AFMID: variants seen among roughly 807,000 people sequenced by gnomAD.
AFMID encodes arylformamidase, also known as kynurenine formamidase.
In AFMID, 39 loss-of-function variants were observed where a neutral mutation model predicts 47.5. The observed-to-expected ratio is 0.82, with a 90% CI of 0.64 to 1.07. AFMID has a LOEUF of 1.07. Ranked by LOEUF, AFMID falls within the 50% of genes least tolerant of loss-of-function variation. The probability of loss-of-function intolerance (pLI) is 0.00; values close to 1 mark genes in which losing one functional copy is unlikely to be tolerated. For missense variants in AFMID, 375 were observed against 387.5 expected (o/e 0.97, Z 0.27); for synonymous variants, 130 against 153.2 (o/e 0.85, Z 1.12).
chr17:78,187,557 G>T, intron 1 of AFMID, 124 bp downstream of exon 1: 1 of 981,620 alleles, frequency 1.0e-6, no homozygotes, highest in Non-Finnish European at 1.6e-6. Context: ...AGAGCGCCTA[G>T]TGCGTGCCAG....
chr17:78,189,764 C>T (rs1247683487), intron 1 of AFMID, among the ~76,000 whole-genome samples: 1 of 151,812 alleles, frequency 6.6e-6, no homozygotes, highest in Non-Finnish European at 1.5e-5. Context: ...AAGTGATCTG[C>T]CTATCTTGGC....
At chr17:78,193,844 C>T (rs373149032) in intron 2 of AFMID, among the ~76,000 whole-genome samples, 11 of 151,818 alleles carry the variant, frequency 7.2e-5, no homozygotes, top group South Asian at 6.3e-4. Flanking sequence ...GGGCGTGGTG[C>T]GGGCACCTGT....
In AFMID at chr17:78,197,626, C is replaced by T. The variant is rs1482155777; in HGVS notation, c.155-4873C>T. On this transcript the variant is annotated intron_variant, in intron 2 of 10. Coordinates refer to ENST00000409257, the MANE Select transcript of AFMID (RefSeq NM_001010982.5). ...GACAGGAGCCCAGGATGGATGTGAG[C>T]GTGTTATAACCAGCTCACGCTTGTG... 6.5e-5 allele frequency: 12 copies of T among 185,102 alleles called. No homozygotes were observed. The South Asian group carries it at 8.9e-4, about 14-fold the overall frequency. 11.5% of individuals were successfully genotyped at this position (185,102 alleles called of 1,614,324 possible).
At chr17:78,199,491 C>T (rs987799850) in intron 2 of AFMID, among the ~76,000 whole-genome samples, 1 of 152,048 alleles carries the variant, frequency 6.6e-6, no homozygotes, top group Non-Finnish European at 1.5e-5. Context: ...TCTCCTTCCT[C>T]AGCCTCCTGA....
rs1567852944 is a variant in AFMID at position 78,202,704 on chromosome 17, C to T, written c.261C>T (p.Ala87=). ...DIYFPDESSE[A]LPFFLFFHGG... is the part of the protein sequence containing the mutation. ...CACGCCCTGTGCTTGGTTTTGCAGC[C>T]TTGCCTTTCTTCCTGTTCTTTCACG... Residue 87 remains alanine, a splice_region_variant and synonymous_variant, in exon 4 of 11, where the codon GCC becomes GCT. Coordinates refer to ENST00000409257, the MANE Select transcript of AFMID (RefSeq NM_001010982.5). 6.4e-7 allele frequency: 1 copy of T among 1,560,402 alleles called. No homozygotes were observed. The highest frequency in any genetic ancestry group is 8.7e-7 in the Non-Finnish European group (1 of 1,151,956).
chr17:78,190,938 G>C, intron 1 of AFMID, 32 bp from the exon 2 acceptor site: 1 of 1,604,308 alleles, frequency 6.2e-7, no homozygotes, highest in Non-Finnish European at 8.5e-7. Context: ...GAGAAGGAAA[G>C]TCTTACGGAG....
Position 78,205,113 on chromosome 17 carries a change from A to T in AFMID, c.488A>T (p.His163Leu), listed in dbSNP as rs777753212. Reference sequence around the variant, plus strand: ...CCCAGGGGAATTTACCTGTGTGGACACTCAGCCGGGGCCCACCTGGCTGCC... The same window carrying T: ...CCCAGGGGAATTTACCTGTGTGGACTCTCAGCCGGGGCCCACCTGGCTGCC... Reference protein sequence around the residue: ...PSNKGIYLCGHSAGAHLAAMM... With the variant: ...PSNKGIYLCGLSAGAHLAAMM... Residue 163 changes from histidine to leucine, a missense_variant, in exon 7 of 11, where the codon CAC (histidine) becomes CTC (leucine). Coordinates refer to ENST00000409257, the MANE Select transcript of AFMID (RefSeq NM_001010982.5). 3.1e-6 allele frequency: 5 copies of T among 1,611,862 alleles called. No homozygotes were observed. The South Asian group carries it at 5.5e-5, about 18-fold the overall frequency.
intron 2 of AFMID, among the ~76,000 whole-genome samples, chr17:78,193,370 CAAAAAAAAAAAAA>C (rs199993168): frequency 5.8e-5 from 4 of 68,918 alleles, no homozygotes; most frequent in African/African-American, 9.4e-5. Flanking sequence ...GACTCTGTCT[CAAAAAAAAAAAAA>C]AAAAAAAAAA....
chr17:78,194,039 A>G (rs2076045506), intron 2 of AFMID, among the ~76,000 whole-genome samples: 1 of 151,426 alleles, frequency 6.6e-6, no homozygotes, highest in African/African-American at 2.4e-5. Flanking sequence ...AGTTCCACCT[A>G]CTTGAGAGGC....
rs1044469899 is a variant in AFMID, at chr17:78,194,761, C to A, written c.154+3701C>A. The stretch of plus-strand genomic sequence containing the variant: ...CAGGCTTGGAGTGCAATGGCGCAAT[C>A]TCGGCTCACCGCAACCTCCGCCTCC... On this transcript the variant is annotated intron_variant, in intron 2 of 10. Transcript: ENST00000409257. Among the ~76,000 whole-genome samples the A allele has an allele frequency of 1.2e-4, 18 of 152,082 alleles. No individual in the cohort carries two copies. In the South Asian group the frequency reaches 1.7e-3, roughly 14 times the overall value.
At chr17:78,187,566 AG>A in intron 1 of AFMID, 133 bp downstream of exon 1, 1 of 860,282 alleles carries the variant, frequency 1.2e-6, no homozygotes, top group East Asian at 2.6e-5. Context: ...AGTGCGTGCC[AG>A]GTCCCCAGTG....
At chr17:78,202,916 G>T (rs908617405) in intron 4 of AFMID, 165 bp downstream of exon 4, 5 of 855,286 alleles carry the variant, frequency 5.8e-6, no homozygotes, top group Non-Finnish European at 7.3e-6. Context: ...ATGTGGGCAG[G>T]GTTCCTAGGG....
In AFMID at chr17:78,205,428, G is replaced by A. The variant is rs377536813; in HGVS notation, c.566-12G>A. On this transcript the variant is annotated splice_polypyrimidine_tract_variant and intron_variant, in intron 7 of 10. Coordinates refer to ENST00000409257, the MANE Select transcript of AFMID (RefSeq NM_001010982.5). ...TGGAGCCTGGCCCTGTGACAATTCT[G>A]TACCTTCACAGGCTTTTTCCTGGTG... 15 of 1,614,018 alleles carry A rather than the reference G, an allele frequency of 9.3e-6. No individual in the cohort carries two copies. In the African/African-American group the frequency reaches 9.3e-5, roughly 10 times the overall value.
intron 2 of AFMID, among the ~76,000 whole-genome samples, chr17:78,200,595 AC>A (rs2076221156): frequency 6.7e-6 from 1 of 148,772 alleles, no homozygotes; most frequent in African/African-American, 2.6e-5. Context: ...CCACGTGAAG[AC>A]GGAGGCAGAG....
chr17:78,192,370 A>G (rs2075994732), intron 2 of AFMID, among the ~76,000 whole-genome samples: 2 of 133,548 alleles, frequency 1.5e-5, no homozygotes, highest in Non-Finnish European at 3.1e-5. Flanking sequence ...GCTGGAGTGC[A>G]AAGGTGCAAT....
chr17:78,202,948 A>G (rs1351496109), intron 4 of AFMID, 197 bp downstream of exon 4: 1 of 648,430 alleles, frequency 1.5e-6, no homozygotes, highest in Non-Finnish European at 2.7e-6. Flanking sequence ...TGCCTTCTCC[A>G]GCTTCTGGTG....
intron 10 of AFMID, among the ~76,000 whole-genome samples, chr17:78,206,255 C>A (rs1462576240): frequency 6.8e-6 from 1 of 147,044 alleles, no homozygotes. Flanking sequence ...ATGAGAATTG[C>A]TTTAACCCAG....
chr17:78,193,357 C>T (rs192108879), intron 2 of AFMID, among the ~76,000 whole-genome samples: 1,759 of 112,954 alleles, frequency 0.016, 39 homozygotes, highest in African/African-American at 0.057. Flanking sequence ...GGCGACAGAG[C>T]GAGACTCTGT....
chr17:78,196,648 C>T (rs767065359), intron 2 of AFMID, among the ~76,000 whole-genome samples: 1 of 152,026 alleles, frequency 6.6e-6, no homozygotes, highest in Non-Finnish European at 1.5e-5. Flanking sequence ...CATTGCACTC[C>T]AGCCTGGGCA....
Sources: allele counts gnomAD v4.1 joint callset (sites outside exome capture counted in the v4.1 genomes callset), GRCh38; gene constraint gnomAD v4.1.1; transcripts MANE v1.5; gene names NCBI Gene and HGNC (gene_info 2026-07-23, HGNC 2026-07-21).